The following ASIC2 variants were observed in gnomAD, a reference collection of about 807,000 sequenced individuals.
The protein encoded by ASIC2 is acid sensing ion channel subunit 2.
In ASIC2, 25 loss-of-function variants were observed where a neutral mutation model predicts 57.3. That is an observed-to-expected ratio of 0.44 (90% confidence interval 0.32 to 0.61). The LOEUF is 0.61. ASIC2 is among the 20% of genes least tolerant of loss of function. The pLI is 0.06. For synonymous variants in ASIC2, 319 were observed against 307.5 expected, an observed-to-expected ratio of 1.04 and a Z score of -0.39; for missense variants, 641 against 738.1, an observed-to-expected ratio of 0.87 and a Z score of 1.52.
chr17:33,021,198 G>A, intron 7 of ASIC2, 21 bp downstream of exon 7: 1 of 529,370 alleles, frequency 1.9e-6, no homozygotes. Context: ...GTGGAAATTT[G>A]TGCAATAGAC....
At chr17:33,251,539 G>C (rs1382233816) in intron 1 of ASIC2, among the ~76,000 whole-genome samples, 1 of 152,092 alleles carries the variant, frequency 6.6e-6, no homozygotes, top group African/African-American at 2.4e-5. Flanking sequence ...TGTGGACTAG[G>C]CTGATCTTGA....
chr17:33,569,699 C>G (rs1916366872), intron 1 of ASIC2, among the ~76,000 whole-genome samples: 1 of 152,100 alleles, frequency 6.6e-6, no homozygotes, highest in Admixed American at 6.6e-5. Flanking sequence ...AGGTCTGCCT[C>G]TTCTTTTTGG....
chr17:33,613,256 G>C (rs1905472153), intron 1 of ASIC2, among the ~76,000 whole-genome samples: 1 of 151,822 alleles, frequency 6.6e-6, no homozygotes, highest in Admixed American at 6.6e-5. Flanking sequence ...ATATACAAAA[G>C]GAAAATAAGA....
chr17:33,689,115 A>C (rs550841878), intron 1 of ASIC2: 23 of 152,366 alleles, frequency 1.5e-4, no homozygotes, highest in African/African-American at 5.5e-4. Flanking sequence ...ACACCTAGGA[A>C]TGCACCTGGC....
At chr17:33,112,284 G>T in intron 1 of ASIC2, 1 of 571,144 alleles carries the variant, frequency 1.8e-6, no homozygotes, top group Non-Finnish European at 3.0e-6. Flanking sequence ...GATGCCCTTT[G>T]GGGTTTGTTG....
At chr17:33,415,657 A>T (rs1882716761) in intron 1 of ASIC2, among the ~76,000 whole-genome samples, 1 of 152,132 alleles carries the variant, frequency 6.6e-6, no homozygotes, top group African/African-American at 2.4e-5. Flanking sequence ...CACTGGAGCT[A>T]AACACAAGAT....
chr17:33,026,818 G>GT (rs200144356), intron 4 of ASIC2, among the ~76,000 whole-genome samples: 2,001 of 152,116 alleles, frequency 0.013, 25 homozygotes, highest in Non-Finnish European at 0.02. Flanking sequence ...AGTCCACCAT[G>GT]TTTTTTTCCT....
chr17:33,021,169 C>CAA, intron 7 of ASIC2, 50 bp downstream of exon 7: 1 of 797,908 alleles, frequency 1.3e-6, no homozygotes, highest in East Asian at 2.7e-5. Flanking sequence ...TCCTCCCTCC[C>CAA]TCCCACCCTC....
At chr17:33,582,015 T>C (rs568903005) in intron 1 of ASIC2, among the ~76,000 whole-genome samples, 4 of 152,302 alleles carry the variant, frequency 2.6e-5, no homozygotes, top group Non-Finnish European at 1.5e-5. Flanking sequence ...TTTTCCTGGA[T>C]TCAGCACCAA....
chr17:33,810,223 G>T (rs949468869), intron 1 of ASIC2, among the ~76,000 whole-genome samples: 8 of 152,226 alleles, frequency 5.3e-5, no homozygotes, highest in Non-Finnish European at 8.8e-5. Context: ...CAGTATTAGG[G>T]TATTTCTGGC....
intron 1 of ASIC2, among the ~76,000 whole-genome samples, chr17:34,108,415 T>C (rs1169184769): frequency 2.6e-5 from 4 of 152,188 alleles, no homozygotes; most frequent in African/African-American, 7.2e-5. Flanking sequence ...CTATAGTTTA[T>C]AAATGTATAG....
At chr17:33,160,407 A>G (rs1342540819) in intron 1 of ASIC2, among the ~76,000 whole-genome samples, 1 of 152,228 alleles carries the variant, frequency 6.6e-6, no homozygotes, top group Non-Finnish European at 1.5e-5. Context: ...GCATACAGGC[A>G]GAGTCCTTCT....
upstream of ASIC2, among the ~76,000 whole-genome samples, chr17:33,296,571 A>G (rs146963199): frequency 1.3e-5 from 2 of 152,308 alleles, no homozygotes; most frequent in African/African-American, 4.8e-5. Flanking sequence ...TCTCTGAAAC[A>G]TCTGTTCACC....
At chr17:33,074,775 G>C (rs757144875) in intron 3 of ASIC2, among the ~76,000 whole-genome samples, 2 of 152,172 alleles carry the variant, frequency 1.3e-5, no homozygotes, top group Non-Finnish European at 1.5e-5. Flanking sequence ...TCCAGTCATT[G>C]CTACCTAATT....
At chr17:33,439,836 G>C (rs1415455673) in intron 1 of ASIC2, among the ~76,000 whole-genome samples, 1 of 152,190 alleles carries the variant, frequency 6.6e-6, no homozygotes, top group Admixed American at 6.5e-5. Flanking sequence ...TGGAGCAATG[G>C]AGGAAGCATC....
At chr17:33,698,747 G>A (rs1204471847) in intron 1 of ASIC2, among the ~76,000 whole-genome samples, 2 of 152,118 alleles carry the variant, frequency 1.3e-5, no homozygotes, top group African/African-American at 4.8e-5. Flanking sequence ...TTCTGCTGGG[G>A]AGGAAAGGGC....
At chr17:33,841,245 CG>C (rs1218547612) in intron 1 of ASIC2, among the ~76,000 whole-genome samples, 1 of 152,170 alleles carries the variant, frequency 6.6e-6, no homozygotes, top group Non-Finnish European at 1.5e-5. Flanking sequence ...TCTGGCAAGT[CG>C]GGGAAGGTGT....
At chr17:33,304,899 T>A (rs748580677) in intron 1 of ASIC2, among the ~76,000 whole-genome samples, 1 of 152,108 alleles carries the variant, frequency 6.6e-6, no homozygotes, top group Non-Finnish European at 1.5e-5. Context: ...TCTCCATAGC[T>A]TGAAGGGCCT....
chr17:33,475,832 C>T (rs1913202636), intron 1 of ASIC2, among the ~76,000 whole-genome samples: 1 of 152,208 alleles, frequency 6.6e-6, no homozygotes, highest in South Asian at 2.1e-4. Context: ...AGGTCTCCTC[C>T]TCCCTTCCTG....
Sources: allele counts gnomAD v4.1 joint callset (sites outside exome capture counted in the v4.1 genomes callset), GRCh38; gene constraint gnomAD v4.1.1; transcripts MANE v1.5; gene names NCBI Gene and HGNC (gene_info 2026-07-23, HGNC 2026-07-21).